The following SCN2A variants were observed in gnomAD, a reference collection of about 807,000 sequenced individuals.
SCN2A encodes the protein sodium channel protein type 2 subunit alpha.
Under a neutral mutation model 188.7 loss-of-function variants are expected in SCN2A, and 20 were observed. The ratio of observed to expected loss-of-function variants is 0.11; its 90% CI spans 0.07 to 0.15. The LOEUF (loss-of-function observed/expected upper bound fraction) is 0.15, where lower values mean the gene tolerates loss of function less well. SCN2A is among the 10% of genes least tolerant of loss of function. The pLI is 1.00. For missense variants in SCN2A, 1,278 were observed against 2,445.0 expected, an observed-to-expected ratio of 0.52 and a Z score of 10.07; for synonymous variants, 804 against 833.1, an observed-to-expected ratio of 0.97 and a Z score of 0.60.
chr2:165,296,060 G>A lies in SCN2A; in HGVS notation c.237G>A (p.Glu79=), dbSNP rs200479065. The change falls in exon 2 of 27, where the codon GAG becomes GAA. Residue 79 remains glutamate (E), a synonymous_variant. Transcript: ENST00000375437. ...CAGAGATGGTGTCAGTGCCCCTGGA[G>A]GATCTGGACCCCTACTATATCAATA... The part of the protein sequence containing the change: ...IPPEMVSVPL[E]DLDPYYINKK... 6.2e-7 allele frequency: 1 copy of A among 1,613,824 alleles called. No homozygotes were observed. The highest frequency in any genetic ancestry group is 8.5e-7 in the Non-Finnish European group (1 of 1,180,012).
chr2:165,256,265 A>G (rs1035041354), intron 1 of SCN2A, among the ~76,000 whole-genome samples: 1 of 152,032 alleles, frequency 6.6e-6, no homozygotes, highest in Non-Finnish European at 1.5e-5. Flanking sequence ...TCGGCCTCCC[A>G]AAGTGCTGGG....
intron 25 of SCN2A, among the ~76,000 whole-genome samples, chr2:165,382,053 G>A (rs945943749): frequency 5.3e-5 from 8 of 152,056 alleles, no homozygotes; most frequent in Non-Finnish European, 1.0e-4. Flanking sequence ...CAAACACAAA[G>A]GGTGTACAAC....
intron 15 of SCN2A, among the ~76,000 whole-genome samples, chr2:165,343,466 T>A (rs1374620762): frequency 6.6e-6 from 1 of 152,202 alleles, no homozygotes; most frequent in East Asian, 1.9e-4. Flanking sequence ...TAAACCTTCA[T>A]GATAGTGTGA....
rs1702126932 is a variant in SCN2A, at chr2:165,391,666, A to G, written c.*1842A>G. On this transcript the variant is annotated 3_prime_UTR_variant, in exon 27 of 27. Transcript: ENST00000375437. ...TATCATTGAAAGAGGCTTAAAGAAA[A>G]AAAAAATCAGCTGATACTCTTGGCA... 6.6e-6 allele frequency: 1 copy of G among 152,508 alleles called. No homozygotes were observed. The allele number at this position is 152,508 out of a possible 1,614,324, so 9.4% of individuals were successfully genotyped here. A position where few individuals can be genotyped will look rare whatever the true frequency, so the allele number is the denominator to read the frequency against.
chr2:165,291,953 C>T (rs930456697), intron 1 of SCN2A, among the ~76,000 whole-genome samples: 1 of 151,946 alleles, frequency 6.6e-6, no homozygotes, highest in Non-Finnish European at 1.5e-5. Context: ...ATGAGTTTTT[C>T]GGAGTCTTTC....
chr2:165,251,271 C>T lies in SCN2A; in HGVS notation c.-52+11631C>T, dbSNP rs117272402. 5.0e-3 allele frequency among the ~76,000 whole-genome samples: 761 copies of T among 151,984 alleles called. 18 individuals are homozygous for T. In the East Asian group the frequency reaches 0.063, roughly 13 times the overall value. ...GACAAGGACAAGTATTTGTGATGTTCTAATATAATAGGTGGTAAGAACCAA... is the reference window on the plus strand; with the variant it reads ...GACAAGGACAAGTATTTGTGATGTTTTAATATAATAGGTGGTAAGAACCAA... On this transcript the variant is annotated intron_variant, in intron 1 of 26. Transcript: ENST00000375437.
chr2:165,386,062 C>G (rs1476503157), intron 25 of SCN2A, among the ~76,000 whole-genome samples: 1 of 151,976 alleles, frequency 6.6e-6, no homozygotes, highest in Non-Finnish European at 1.5e-5. Context: ...AATTTTCTTC[C>G]AAGTATAAAA....
At chr2:165,380,406 G>C (rs890394564) in intron 23 of SCN2A, among the ~76,000 whole-genome samples, 186 bp from the exon 24 acceptor site, 1 of 151,670 alleles carries the variant, frequency 6.6e-6, no homozygotes, top group East Asian at 1.9e-4. Flanking sequence ...ATTTTCCCAG[G>C]TAATGAATAG....
chr2:165,311,631 G>A (rs967609791), intron 7 of SCN2A, among the ~76,000 whole-genome samples: 1 of 151,958 alleles, frequency 6.6e-6, no homozygotes, highest in Admixed American at 6.6e-5. Flanking sequence ...GTATATGTAA[G>A]GTAAAATTTA....
chr2:165,289,558 C>A (rs1278731873), intron 1 of SCN2A, among the ~76,000 whole-genome samples: 2 of 151,948 alleles, frequency 1.3e-5, no homozygotes, highest in Non-Finnish European at 2.9e-5. Context: ...AAATTTAAAA[C>A]CTTCACGTAA....
chr2:165,295,617 C>T (rs976416656), intron 1 of SCN2A, among the ~76,000 whole-genome samples, 156 bp from the exon 2 acceptor site: 11 of 152,212 alleles, frequency 7.2e-5, no homozygotes, highest in African/African-American at 2.7e-4. Context: ...AATGGATGCA[C>T]ATATGAGATT....
At chr2:165,291,840 T>C (rs1263212268) in intron 1 of SCN2A, among the ~76,000 whole-genome samples, 1 of 151,884 alleles carries the variant, frequency 6.6e-6, no homozygotes, top group African/African-American at 2.4e-5. Context: ...GTTTCAAGGC[T>C]ACAGCATGTG....
chr2:165,384,434 A>C (rs1444602114), intron 25 of SCN2A, among the ~76,000 whole-genome samples: 1 of 152,160 alleles, frequency 6.6e-6, no homozygotes, highest in Non-Finnish European at 1.5e-5. Context: ...TTTAAATGGG[A>C]GAACAGAACA....
At chr2:165,315,326 C>A in intron 10 of SCN2A, 145 bp from the exon 11 acceptor site, 1 of 1,317,738 alleles carries the variant, frequency 7.6e-7, no homozygotes, top group East Asian at 2.5e-5. Flanking sequence ...GGTCTAATAA[C>A]AATGTACTGT....
intron 25 of SCN2A, among the ~76,000 whole-genome samples, chr2:165,385,884 C>T (rs1356485486): frequency 2.0e-5 from 3 of 152,132 alleles, no homozygotes; most frequent in African/African-American, 7.2e-5. Flanking sequence ...CCTCCCAACA[C>T]ATGGGATAAA....
intron 17 of SCN2A, among the ~76,000 whole-genome samples, chr2:165,356,326 G>T (rs780176185): frequency 2.4e-4 from 37 of 152,140 alleles, no homozygotes; most frequent in Non-Finnish European, 4.3e-4. Flanking sequence ...TTGTTTGAAA[G>T]TTGAATAATA....
intron 14 of SCN2A, 135 bp from the exon 15 acceptor site, chr2:165,342,161 C>A: frequency 1.4e-6 from 1 of 709,516 alleles, no homozygotes. Flanking sequence ...TTTGTAGATA[C>A]TAAGTTGTTG....
At chr2:165,291,559 TCCTTCCTTCCTTCCTTTCTC>T (rs1185380357) in intron 1 of SCN2A, among the ~76,000 whole-genome samples, 4 of 121,184 alleles carry the variant, frequency 3.3e-5, no homozygotes, top group East Asian at 2.9e-4. Context: ...CTTCCTTCCT[TCCTTCCTTCCTTCCTTTCTC>T]TCTCTCTCTC....
chr2:165,256,788 A>C (rs1417012994), intron 1 of SCN2A, among the ~76,000 whole-genome samples: 1 of 152,110 alleles, frequency 6.6e-6, no homozygotes, highest in Non-Finnish European at 1.5e-5. Flanking sequence ...GTATCTTTTC[A>C]TATGTTTGGC....
Sources: allele counts gnomAD v4.1 joint callset (sites outside exome capture counted in the v4.1 genomes callset), GRCh38; gene constraint gnomAD v4.1.1; transcripts MANE v1.5; gene names NCBI Gene and HGNC (gene_info 2026-07-23, HGNC 2026-07-21).